The following HDAC9 variants were observed in gnomAD, a reference collection of about 807,000 sequenced individuals.
HDAC9 encodes the protein MEF-2 interacting transcription repressor (MITR) protein.
HDAC9 carries 41 observed loss-of-function variants against 139.4 expected under a neutral mutation model. The ratio of observed to expected loss-of-function variants is 0.29; its 90% CI spans 0.23 to 0.38. HDAC9 has a LOEUF of 0.38. Among genes scored for constraint, HDAC9 ranks in the 10% least tolerant of loss-of-function variants. The pLI is 1.00. For missense variants in HDAC9, 1,147 were observed against 1,297.0 expected, an observed-to-expected ratio of 0.88 and a Z score of 1.78; for synonymous variants, 517 against 476.2, an observed-to-expected ratio of 1.09 and a Z score of -1.12.
intron 1 of HDAC9, among the ~76,000 whole-genome samples, chr7:18,290,835 T>G (rs113791065): frequency 1.3e-5 from 2 of 152,338 alleles, no homozygotes; most frequent in South Asian, 2.1e-4. Flanking sequence ...TTTTGAAATT[T>G]AGCCCGGAAT....
At chr7:18,310,465 C>G (rs979974431) in intron 1 of HDAC9, among the ~76,000 whole-genome samples, 8 of 152,114 alleles carry the variant, frequency 5.3e-5, no homozygotes, top group Admixed American at 2.6e-4. Flanking sequence ...CAGTGACAGC[C>G]TCATGTTAAC....
chr7:18,532,924 G>A (rs1215853005), intron 2 of HDAC9, among the ~76,000 whole-genome samples: 3 of 152,016 alleles, frequency 2.0e-5, no homozygotes, highest in Non-Finnish European at 4.4e-5. Flanking sequence ...CCTGTGAGAT[G>A]AGGAGGTTCC....
At chr7:18,435,427 A>G (rs1052520329) in intron 1 of HDAC9, among the ~76,000 whole-genome samples, 4 of 152,120 alleles carry the variant, frequency 2.6e-5, no homozygotes, top group South Asian at 2.1e-4. Flanking sequence ...GAAAAAGTCT[A>G]TGGCTATATA....
At chr7:18,397,645 A>G (rs562296987) in intron 1 of HDAC9, among the ~76,000 whole-genome samples, 1 of 152,330 alleles carries the variant, frequency 6.6e-6, no homozygotes, top group African/African-American at 2.4e-5. Flanking sequence ...GCTTTTTAAA[A>G]TTCATGTAAT....
intron 1 of HDAC9, among the ~76,000 whole-genome samples, chr7:18,412,642 G>A (rs1788680521): frequency 6.6e-6 from 1 of 152,174 alleles, no homozygotes; most frequent in Non-Finnish European, 1.5e-5. Flanking sequence ...ACGCTCAGTT[G>A]TGATTTGCTT....
chr7:18,240,548 C>G lies in HDAC9; in HGVS notation c.25+78199C>G, dbSNP rs145387389. Among the ~76,000 whole-genome samples the G allele has an allele frequency of 4.6e-5, 7 of 152,296 alleles. 1 individual carries two copies. In the East Asian group the frequency reaches 1.4e-3, roughly 29 times the overall value. On this transcript the variant is annotated intron_variant, in intron 2 of 12. Coordinates refer to the HDAC9 transcript ENST00000417496. Reference sequence around the variant, plus strand: ...AGAAAAAAATATCTGCCTGGACTCTCACAGTCGTCTCCTAATTTATCTTTC... The same window carrying G: ...AGAAAAAAATATCTGCCTGGACTCTGACAGTCGTCTCCTAATTTATCTTTC...
intron 1 of HDAC9, among the ~76,000 whole-genome samples, chr7:18,117,275 A>C (rs903236162): frequency 5.9e-5 from 9 of 152,144 alleles, no homozygotes; most frequent in Non-Finnish European, 1.2e-4. Flanking sequence ...AGAGAAGGTC[A>C]GGAGATCGAG....
At chr7:18,820,657 T>C (rs1382834080) in intron 17 of HDAC9, among the ~76,000 whole-genome samples, 1 of 152,170 alleles carries the variant, frequency 6.6e-6, no homozygotes, top group African/African-American at 2.4e-5. Flanking sequence ...GGGTAGTAGC[T>C]ACTCATAAAT....
chr7:18,308,387 T>G (rs1799072761), intron 1 of HDAC9, among the ~76,000 whole-genome samples: 1 of 152,216 alleles, frequency 6.6e-6, no homozygotes, highest in Non-Finnish European at 1.5e-5. Context: ...GAGGAAAAGG[T>G]ACACTCGAAC....
At chr7:18,531,746 AGC>A (rs1360034347) in intron 2 of HDAC9, among the ~76,000 whole-genome samples, 1 of 151,990 alleles carries the variant, frequency 6.6e-6, no homozygotes, top group Non-Finnish European at 1.5e-5. Context: ...TGCTTGTGTA[AGC>A]AAAACTCAAT....
At chr7:18,162,677 T>G (rs1386862568) in intron 2 of HDAC9, 1 of 268,978 alleles carries the variant, frequency 3.7e-6, no homozygotes, top group African/African-American at 2.3e-5. Flanking sequence ...CTGTAATCTT[T>G]CTGTCCTAAC....
chr7:18,878,471 C>T (rs1019360957), intron 22 of HDAC9, among the ~76,000 whole-genome samples: 3 of 152,126 alleles, frequency 2.0e-5, no homozygotes, highest in East Asian at 3.9e-4. Flanking sequence ...GAGACAGAAA[C>T]CATTTCTCTC....
At chr7:18,814,104 A>C (rs1794391668) in intron 17 of HDAC9, among the ~76,000 whole-genome samples, 2 of 152,080 alleles carry the variant, frequency 1.3e-5, no homozygotes, top group South Asian at 4.1e-4. Flanking sequence ...ACTGACTAAA[A>C]ATTGCTGCAT....
chr7:18,780,675 T>A (rs1791173616), intron 16 of HDAC9, among the ~76,000 whole-genome samples: 2 of 152,058 alleles, frequency 1.3e-5, no homozygotes, highest in African/African-American at 4.8e-5. Context: ...GTTTGGAGTT[T>A]AGATAGTTTA....
chr7:18,392,354 G>A (rs1481257005), intron 1 of HDAC9, among the ~76,000 whole-genome samples: 1 of 111,426 alleles, frequency 9.0e-6, no homozygotes, highest in African/African-American at 3.5e-5. Context: ...CACACACACT[G>A]TCTATATCTA....
At chr7:18,224,298 C>T (rs1371086358) in intron 2 of HDAC9, among the ~76,000 whole-genome samples, 1 of 152,178 alleles carries the variant, frequency 6.6e-6, no homozygotes, top group African/African-American at 2.4e-5. Context: ...CAAGACTCTA[C>T]TTAACCAGCT....
chr7:18,602,725 T>G (rs1232615927), intron 6 of HDAC9, among the ~76,000 whole-genome samples: 3 of 152,088 alleles, frequency 2.0e-5, no homozygotes, highest in Non-Finnish European at 4.4e-5. Flanking sequence ...AGTCATGTTA[T>G]TTAATTTCTA....
At chr7:18,736,246 C>T (rs1786883528) in intron 13 of HDAC9, among the ~76,000 whole-genome samples, 2 of 152,132 alleles carry the variant, frequency 1.3e-5, no homozygotes, top group Non-Finnish European at 2.9e-5. Flanking sequence ...TGCCTGATTG[C>T]CCTGGCCAGA....
chr7:18,945,365 T>C (rs1355743642), intron 23 of HDAC9, among the ~76,000 whole-genome samples: 1 of 152,218 alleles, frequency 6.6e-6, no homozygotes. Context: ...CACCTTCATA[T>C]TGTCTTTTTC....
Sources: gnomAD v4.1 joint callset for allele counts (sites outside exome capture counted in the v4.1 genomes callset) on GRCh38, gnomAD v4.1.1 for gene constraint, MANE v1.5 for transcripts, NCBI Gene and HGNC (gene_info 2026-07-23, HGNC 2026-07-21) for gene names.